EEF1G: variants seen among roughly 807,000 people sequenced by gnomAD.
EEF1G encodes elongation factor 1-gamma.
A neutral mutation model predicts 58.3 loss-of-function variants in EEF1G; 14 were observed. That is an observed-to-expected ratio of 0.24 (90% confidence interval 0.16 to 0.38). EEF1G has a LOEUF of 0.38. Among genes scored for constraint, EEF1G ranks in the 10% least tolerant of loss-of-function variants. The pLI, the probability that EEF1G is intolerant of heterozygous loss-of-function variation, is 1.00. For synonymous variants in EEF1G, 180 were observed against 206.8 expected, an observed-to-expected ratio of 0.87 and a Z score of 1.11; for missense variants, 322 against 550.1, an observed-to-expected ratio of 0.59 and a Z score of 4.15.
chr11:62,564,758 C>CAAAAAAAAA (rs34663205), intron 7 of EEF1G, among the ~76,000 whole-genome samples: 4 of 75,044 alleles, frequency 5.3e-5, no homozygotes, highest in Non-Finnish European at 8.6e-5. Flanking sequence ...GACTCCATCT[C>CAAAAAAAAA]AAAAAAAAAA....
At chr11:62,571,254 T>C in intron 4 of EEF1G, 146 bp from the exon 5 acceptor site, 1 of 1,329,584 alleles carries the variant, frequency 7.5e-7, no homozygotes, top group East Asian at 2.5e-5. Flanking sequence ...CCTAGGGTCA[T>C]TCTAAATGTA....
intron 7 of EEF1G, among the ~76,000 whole-genome samples, chr11:62,562,101 C>T (rs1941503089): frequency 1.3e-5 from 2 of 152,238 alleles, no homozygotes; most frequent in South Asian, 4.1e-4. Context: ...ATTTAGAGCC[C>T]TGCACCTGGT....
rs375231594 is a variant in EEF1G at position 62,571,769 on chromosome 11, G to A, written c.235+69C>T. 520 of 1,561,710 alleles carry A rather than the reference G, an allele frequency of 3.3e-4. 2 individuals are homozygous for A. Among genetic ancestry groups the A allele is most frequent in the Admixed American group, 2.1e-3 (107 of 51,904 alleles). On this transcript the variant is annotated intron_variant, in intron 3 of 9. Coordinates refer to ENST00000329251, the MANE Select transcript of EEF1G (RefSeq NM_001404.5). ...GGAGAATTCCTTCATATCCACCCCC[G>A]CTCACACTTATCCTCTCCTACACCC... is the stretch of plus-strand genomic sequence containing the variant.
At chr11:62,570,924 C>A in intron 5 of EEF1G, 41 bp downstream of exon 5, 1 of 1,612,168 alleles carries the variant, frequency 6.2e-7, no homozygotes, top group Non-Finnish European at 8.5e-7. Context: ...GTTTCTAATC[C>A]CCATCTACCC....
chr11:62,559,709 T>C lies in EEF1G; in HGVS notation c.1284A>G (p.Lys428=), dbSNP rs780608554. The part of the protein sequence containing the change: ...SWEGAFQHVG[K]AFNQGKIFK ...TGAAGATCTTGCCCTGATTGAAGGC[T>C]TTGCCCACATGCTGGAAGGCCCCCT... Residue 428 remains lysine (K), a synonymous_variant, in exon 10 of 10, where the codon AAA becomes AAG. Coordinates refer to ENST00000329251, the MANE Select transcript of EEF1G (RefSeq NM_001404.5). The C allele has an allele frequency of 5.6e-6, 9 of 1,614,018 alleles. No individual in the cohort carries two copies. In the South Asian group the frequency reaches 9.9e-5, roughly 18 times the overall value.
At chr11:62,562,395 A>G (rs1412368387) in intron 7 of EEF1G, among the ~76,000 whole-genome samples, 5 of 152,054 alleles carry the variant, frequency 3.3e-5, no homozygotes, top group Admixed American at 2.0e-4. Context: ...GTGTGTATAT[A>G]TGTGTGTGTG....
chr11:62,564,782 A>G (rs373746009), intron 7 of EEF1G, among the ~76,000 whole-genome samples: 44 of 141,934 alleles, frequency 3.1e-4, no homozygotes, highest in Non-Finnish European at 5.2e-4. Context: ...AAAAAAAAAA[A>G]GGGGGCCAGG....
intron 7 of EEF1G, among the ~76,000 whole-genome samples, chr11:62,566,271 C>T (rs185556229): frequency 6.6e-6 from 1 of 152,298 alleles, no homozygotes; most frequent in East Asian, 1.9e-4. Flanking sequence ...GGGGACTTTA[C>T]TCGGTTGTGG....
intron 7 of EEF1G, among the ~76,000 whole-genome samples, chr11:62,563,293 A>AT (rs1941519955): frequency 2.0e-5 from 3 of 151,736 alleles, no homozygotes; most frequent in Admixed American, 2.0e-4. Flanking sequence ...CCCCCGGCTA[A>AT]TTTTTTGTAC....
Position 62,570,855 on chromosome 11 carries a change from T to G in EEF1G, c.522+110A>C. ...ACAGGCATGAGCCACTGCACCCACC[T>G]CTAGCTGTTTTCCAAGTCCTCAGCA... On this transcript the variant is annotated intron_variant, in intron 5 of 9. Coordinates refer to ENST00000329251, the MANE Select transcript of EEF1G (RefSeq NM_001404.5). 14 of 1,466,030 alleles carry G rather than the reference T, an allele frequency of 9.5e-6. No homozygotes were observed. The South Asian group carries it at 1.7e-4, about 18-fold the overall frequency. 90.8% of individuals were successfully genotyped at this position (1,466,030 alleles called of 1,614,324 possible).
intron 4 of EEF1G, 80 bp from the exon 5 acceptor site, chr11:62,571,188 G>A (rs997169804): frequency 2.5e-6 from 4 of 1,586,814 alleles, no homozygotes; most frequent in Middle Eastern, 1.7e-4. Context: ...AACTAAGAGG[G>A]CTATTTTCAC....
Position 62,567,061 on chromosome 11 carries a change from A to G in EEF1G, c.653-51T>C, listed in dbSNP as rs1480841074. The G allele has an allele frequency of 2.5e-6, 4 of 1,586,092 alleles. No individual in the cohort carries two copies. The Admixed American group carries it at 5.0e-5, about 20-fold the overall frequency. On this transcript the variant is annotated intron_variant, in intron 6 of 9. Transcript: ENST00000329251. ...GAACGAATGTTCTGCCTCTTTCCAC[A>G]CCCCTCCAAAACCACACAGAGCAAG...
intron 5 of EEF1G, 133 bp from the exon 6 acceptor site, chr11:62,567,661 C>T (rs936372320): frequency 1.7e-5 from 14 of 805,808 alleles, no homozygotes; most frequent in Admixed American, 3.7e-5. Flanking sequence ...TAGCTTCATA[C>T]AACATCATCC....
intron 5 of EEF1G, among the ~76,000 whole-genome samples, chr11:62,569,045 T>C (rs1941592694): frequency 6.6e-6 from 1 of 151,552 alleles, no homozygotes; most frequent in Non-Finnish European, 1.5e-5. Context: ...CTAAACACTA[T>C]AGGTATTTAC....
intron 7 of EEF1G, among the ~76,000 whole-genome samples, chr11:62,564,237 C>T (rs918115306): frequency 2.0e-5 from 3 of 152,132 alleles, no homozygotes; most frequent in Admixed American, 1.3e-4. Context: ...CCAAGGCAGG[C>T]GGATTGCCTG....
Position 62,560,438 on chromosome 11 carries a change from C to G in EEF1G, c.874G>C (p.Glu292Gln). Residue 292 changes from glutamate (E) to glutamine (Q), a missense_variant, in exon 8 of 10, where the codon GAA (glutamate) becomes CAA (glutamine). Physicochemically the swap from Glu to Gln is conservative, Grantham distance 29. Around this residue, in one of 3 missense-constraint regions of EEF1G, gnomAD observed 208 missense variants for 323.7 expected, o/e 0.64. Coordinates refer to ENST00000329251, the MANE Select transcript of EEF1G (RefSeq NM_001404.5). ...HLPKSTFVLD[E>Q]FKRKYSNEDT... Reference sequence around the variant, plus strand: ...TCATTGGAGTACTTGCGCTTAAATTCATCCAACACAAAGGTACTAAGAGGA... The same window carrying G: ...TCATTGGAGTACTTGCGCTTAAATTGATCCAACACAAAGGTACTAAGAGGA... The G allele has an allele frequency of 3.1e-6, 5 of 1,609,764 alleles. No homozygotes were observed. Among genetic ancestry groups the G allele is most frequent in the Non-Finnish European group, 4.2e-6 (5 of 1,177,876 alleles).
rs1941480148 is a variant in EEF1G at position 62,560,366 on chromosome 11, T to C, written c.946A>G (p.Lys316Glu). 2 of 1,608,978 alleles carry C rather than the reference T, an allele frequency of 1.2e-6. No individual in the cohort carries two copies. The highest frequency in any genetic ancestry group is 1.7e-6 in the Non-Finnish European group (2 of 1,177,568). ...ALPYFWEHFD[K>E]DGWSLWYSEY... The stretch of plus-strand genomic sequence containing the variant: ...GAGTACCACAGGGACCAGCCGTCCT[T>C]ATCAAAGTGCTCCCAGAAATATGGC... Residue 316 changes from lysine to glutamate, a missense_variant, in exon 8 of 10, where the codon AAG (lysine) becomes GAG (glutamate). Around this residue, in one of 3 missense-constraint regions of EEF1G, gnomAD observed 208 missense variants for 323.7 expected, o/e 0.64. Coordinates refer to ENST00000329251, the MANE Select transcript of EEF1G (RefSeq NM_001404.5).
chr11:62,573,802 A>C (rs1317089204), intron 1 of EEF1G, 29 bp downstream of exon 1: 4 of 1,613,260 alleles, frequency 2.5e-6, no homozygotes, highest in South Asian at 1.1e-5. Flanking sequence ...GGATAGGATG[A>C]CCCGAACCAC....
intron 7 of EEF1G, among the ~76,000 whole-genome samples, chr11:62,561,688 A>AAAC (rs796628663): frequency 1.5e-4 from 21 of 140,512 alleles, no homozygotes; most frequent in Non-Finnish European, 3.3e-4. Context: ...AAAACAAAAA[A>AAAC]AAAAAAAACA....
Sources: gnomAD v4.1 joint callset for allele counts (sites outside exome capture counted in the v4.1 genomes callset) on GRCh38, gnomAD v4.1.1 for gene constraint, gnomAD v4.1.1 regional missense constraint, MANE v1.5 for transcripts, NCBI Gene and HGNC (gene_info 2026-07-23, HGNC 2026-07-21) for gene names.